GIGYF2: variants seen among roughly 807,000 people sequenced by gnomAD.
GIGYF2 encodes GRB10-interacting GYF protein 2.
GIGYF2 carries 25 observed loss-of-function variants against 208.1 expected under a neutral mutation model. The observed-to-expected ratio is 0.12, with a 90% CI of 0.09 to 0.17. The LOEUF (loss-of-function observed/expected upper bound fraction) is 0.17, where lower values mean the gene tolerates loss of function less well. GIGYF2 is among the 10% of genes least tolerant of loss of function. GIGYF2 has a pLI of 1.00. For missense variants in GIGYF2, 1,302 were observed against 1,579.4 expected, an observed-to-expected ratio of 0.82 and a Z score of 2.98; for synonymous variants, 534 against 543.8, an observed-to-expected ratio of 0.98 and a Z score of 0.25.
rs1456931352 is a variant in GIGYF2 at position 232,802,208 on chromosome 2, C to T, written c.1640-4283C>T. 2.7e-5 allele frequency among the ~76,000 whole-genome samples: 4 copies of T among 150,932 alleles called. No individual in the cohort carries two copies. The East Asian group carries it at 7.7e-4, about 29-fold the overall frequency. ...TTTTCTGCATAAAAGATTATATCAT[C>T]TGTGAACAGACTTCTTCCTAATTTG... On this transcript the variant is annotated intron_variant, in intron 14 of 28. Transcript: ENST00000373563.
intron 21 of GIGYF2, 120 bp downstream of exon 21, chr2:232,820,105 A>G (rs1432832409): frequency 1.0e-6 from 1 of 977,566 alleles, no homozygotes; most frequent in African/African-American, 1.6e-5. Context: ...AAATTAACCA[A>G]AAGAAACCTA....
rs557364792 is a variant in GIGYF2, at chr2:232,749,096, T to C, written c.267+14T>C. The C allele has an allele frequency of 1.6e-6, 2 of 1,271,486 alleles. No individual in the cohort carries two copies. Among genetic ancestry groups the C allele is most frequent in the Non-Finnish European group, 1.2e-6 (1 of 866,810 alleles). The allele number at this position is 1,271,486 out of a possible 1,614,324, so 78.8% of individuals were successfully genotyped here. On this transcript the variant is annotated intron_variant, in intron 5 of 28. Coordinates refer to ENST00000373563, the MANE Select transcript of GIGYF2 (RefSeq NM_001103146.3). ...GAAGAAGAACAGGTTTGTGATTAGCTCTGAGCCCCAGCAAACTCTTATTCT... is the reference window on the plus strand; with the variant it reads ...GAAGAAGAACAGGTTTGTGATTAGCCCTGAGCCCCAGCAAACTCTTATTCT...
In GIGYF2 at chr2:232,759,761, A is replaced by G. The variant is rs146310356; in HGVS notation, c.380-719A>G. Among the ~76,000 whole-genome samples, 11 of 152,230 alleles carry G rather than the reference A, an allele frequency of 7.2e-5. 1 individual carries two copies. The highest frequency in any genetic ancestry group is 2.6e-4 in the African/African-American group (11 of 41,538). On this transcript the variant is annotated intron_variant, in intron 6 of 28. Transcript: ENST00000373563. ...TCTATTAGGATAAATCCTAAGTAGA[A>G]TTGTTGAATCAAATGTCAATAGATC...
intron 12 of GIGYF2, among the ~76,000 whole-genome samples, chr2:232,792,461 G>A (rs1272044754): frequency 1.3e-5 from 2 of 152,176 alleles, no homozygotes; most frequent in Non-Finnish European, 2.9e-5. Context: ...GATTAACTGG[G>A]TGTGATGGCA....
At position 232,709,992 on chromosome 2, in the gene GIGYF2, C is replaced by T. The variant is rs562073836; in HGVS notation, c.-44+6503C>T. ...TTTATTTATTTGAGATGGAGTCTTG[C>T]TTTGTCGCCCAGGCTGGAGTGCAGT... On this transcript the variant is annotated intron_variant, in intron 2 of 28. Transcript: ENST00000373563. Among the ~76,000 whole-genome samples, 7 of 145,614 alleles carry T rather than the reference C, an allele frequency of 4.8e-5. No individual in the cohort carries two copies. In the South Asian group the frequency reaches 8.3e-4, roughly 17 times the overall value.
chr2:232,756,963 T>C lies in GIGYF2; in HGVS notation c.379+629T>C, dbSNP rs182818703. Among the ~76,000 whole-genome samples the C allele has an allele frequency of 4.6e-5, 7 of 152,336 alleles. No homozygotes were observed. The East Asian group carries it at 7.7e-4, about 17-fold the overall frequency. On this transcript the variant is annotated intron_variant, in intron 6 of 28. Transcript: ENST00000373563. ...ACGACATTCTTAAATATTTGTAATA[T>C]GAATATTTGCTTAATCATGTAGCTC...
chr2:232,836,520 CATACCACTGCACT>C (rs1701644037), intron 22 of GIGYF2, among the ~76,000 whole-genome samples: 2 of 134,822 alleles, frequency 1.5e-5, no homozygotes, highest in Non-Finnish European at 3.1e-5. Flanking sequence ...GGGCCAAAAT[CATACCACTGCACT>C]CCAGCCTGGG....
chr2:232,729,972 A>G, intron 2 of GIGYF2: 1 of 724,900 alleles, frequency 1.4e-6, no homozygotes, highest in Non-Finnish European at 2.5e-6. Flanking sequence ...ATACTTGACC[A>G]AAGCCTTCTT....
At position 232,850,466 on chromosome 2, in the gene GIGYF2, T is replaced by C. The variant is rs933318347; in HGVS notation, c.3832+57T>C. The C allele has an allele frequency of 3.4e-6, 5 of 1,484,106 alleles. No homozygotes were observed. The South Asian group carries it at 3.4e-5, about 10-fold the overall frequency. The allele number at this position is 1,484,106 out of a possible 1,614,324, so 91.9% of individuals were successfully genotyped here. A position where few individuals can be genotyped will look rare whatever the true frequency, so the allele number is the denominator to read the frequency against. On this transcript the variant is annotated intron_variant, in intron 28 of 28. Transcript: ENST00000373563. Reference sequence around the variant, plus strand: ...GGAGGAGTGCAGGTGATACCAGTTATCCTGTGTGAGTTTCCATTGAGCATT... The same window carrying C: ...GGAGGAGTGCAGGTGATACCAGTTACCCTGTGTGAGTTTCCATTGAGCATT...
intron 3 of GIGYF2, among the ~76,000 whole-genome samples, chr2:232,739,272 C>G (rs187390541): frequency 2.7e-5 from 4 of 149,358 alleles, no homozygotes; most frequent in African/African-American, 4.9e-5. Flanking sequence ...ACAGGAGAAT[C>G]GTTTGAACCC....
rs143447451 is a variant in GIGYF2, at chr2:232,741,744, C to T, written c.42-5871C>T. ...CAGATGTGAGCCACTGTGCCTGGCCCCTGGCTTCCATTTTTGTCTTCTATT... is the reference window on the plus strand; with the variant it reads ...CAGATGTGAGCCACTGTGCCTGGCCTCTGGCTTCCATTTTTGTCTTCTATT... On this transcript the variant is annotated intron_variant, in intron 3 of 28. Coordinates refer to ENST00000373563, the MANE Select transcript of GIGYF2 (RefSeq NM_001103146.3). Among the ~76,000 whole-genome samples, 290 of 152,160 alleles carry T rather than the reference C, an allele frequency of 1.9e-3. 2 individuals are homozygous for T. Among genetic ancestry groups the T allele is most frequent in the African/African-American group, 6.3e-3 (263 of 41,512 alleles).
At chr2:232,799,877 A>C (rs1299057053) in intron 14 of GIGYF2, among the ~76,000 whole-genome samples, 1 of 151,792 alleles carries the variant, frequency 6.6e-6, no homozygotes, top group Non-Finnish European at 1.5e-5. Context: ...AATCATAAGG[A>C]ATGTTAAGCA....
chr2:232,726,991 G>A (rs1401461032), intron 2 of GIGYF2, among the ~76,000 whole-genome samples: 1 of 152,182 alleles, frequency 6.6e-6, no homozygotes, highest in Non-Finnish European at 1.5e-5. Context: ...GGGGCGCAGA[G>A]TCTTGCTCTG....
At chr2:232,716,983 T>G (rs902554135) in intron 2 of GIGYF2, among the ~76,000 whole-genome samples, 1 of 148,842 alleles carries the variant, frequency 6.7e-6, no homozygotes, top group Non-Finnish European at 1.5e-5. Context: ...TTTTTGTTGT[T>G]TTTTTTTTTT....
intron 2 of GIGYF2, among the ~76,000 whole-genome samples, chr2:232,724,874 A>G (rs1316626296): frequency 6.6e-6 from 1 of 152,196 alleles, no homozygotes; most frequent in African/African-American, 2.4e-5. Context: ...ACTTTCAAAT[A>G]CTTCCCTTAA....
Position 232,835,207 on chromosome 2 carries a change from T to C in GIGYF2, c.2766+2114T>C, listed in dbSNP as rs550683715. Among the ~76,000 whole-genome samples the C allele has an allele frequency of 8.5e-5, 13 of 152,362 alleles. No individual in the cohort carries two copies. In the South Asian group the frequency reaches 2.5e-3, roughly 29 times the overall value. On this transcript the variant is annotated intron_variant, in intron 22 of 28. Coordinates refer to ENST00000373563, the MANE Select transcript of GIGYF2 (RefSeq NM_001103146.3). ...TGGCTGAGTAGCATTCCATGCCTTA[T>C]ATAAACACCACATTTTCTTTATCCA...
At chr2:232,792,767 G>A (rs1282070694) in intron 12 of GIGYF2, among the ~76,000 whole-genome samples, 1 of 152,140 alleles carries the variant, frequency 6.6e-6, no homozygotes, top group Non-Finnish European at 1.5e-5. Flanking sequence ...ATTTGTAGTA[G>A]GATATGCCCC....
chr2:232,812,551 T>C (rs771643238), intron 18 of GIGYF2, 60 bp downstream of exon 18: 2 of 748,090 alleles, frequency 2.7e-6, no homozygotes, highest in Admixed American at 1.9e-5. Flanking sequence ...ATAATAATTT[T>C]ACAATTCAGT....
intron 8 of GIGYF2, among the ~76,000 whole-genome samples, chr2:232,780,289 A>G (rs1025428119): frequency 4.6e-5 from 7 of 152,316 alleles, no homozygotes; most frequent in Middle Eastern, 3.4e-3. Flanking sequence ...TTTTAGATGA[A>G]TCCTATTTGG....
Sources: allele counts gnomAD v4.1 joint callset (sites outside exome capture counted in the v4.1 genomes callset), GRCh38; gene constraint gnomAD v4.1.1; transcripts MANE v1.5; gene names NCBI Gene and HGNC (gene_info 2026-07-23, HGNC 2026-07-21).